The following MAGI1 variants were observed in gnomAD, a reference collection of about 807,000 sequenced individuals.
MAGI1 encodes membrane associated guanylate kinase, WW and PDZ domain containing 1.
In MAGI1, 58 loss-of-function variants were observed where a neutral mutation model predicts 139.9. The observed-to-expected ratio is 0.41, with a 90% confidence interval of 0.34 to 0.52. MAGI1 has a LOEUF of 0.52. Among genes scored for constraint, MAGI1 ranks in the 20% least tolerant of loss-of-function variants. MAGI1 has a pLI of 0.12. For synonymous variants in MAGI1, 812 were observed against 737.9 expected, an observed-to-expected ratio of 1.10 and a Z score of -1.63; for missense variants, 1,874 against 1,901.6, an observed-to-expected ratio of 0.99 and a Z score of 0.27.
chr3:65,569,540 G>A (rs1405396955), intron 2 of MAGI1, among the ~76,000 whole-genome samples: 1 of 142,786 alleles, frequency 7.0e-6, no homozygotes, highest in East Asian at 2.2e-4. Flanking sequence ...TAAGTTTAAA[G>A]TATATAAATC....
At chr3:65,824,766 T>C (rs140758989) in intron 1 of MAGI1, among the ~76,000 whole-genome samples, 32 of 152,366 alleles carry the variant, frequency 2.1e-4, no homozygotes, top group African/African-American at 7.5e-4. Flanking sequence ...CTACAAGTCA[T>C]GGCTATTTTC....
chr3:65,488,324 C>T (rs1951758299), intron 3 of MAGI1, among the ~76,000 whole-genome samples: 6 of 152,056 alleles, frequency 3.9e-5, no homozygotes, highest in Admixed American at 3.9e-4. Flanking sequence ...TCAAAACACT[C>T]ATAACTTTTT....
chr3:66,013,664 A>C (rs1356444470), intron 1 of MAGI1, among the ~76,000 whole-genome samples: 1 of 150,790 alleles, frequency 6.6e-6, no homozygotes, highest in Non-Finnish European at 1.5e-5. Context: ...GGGAGACTGA[A>C]GCAGGAGAAT....
At chr3:65,727,895 G>C (rs1455043647) in intron 1 of MAGI1, among the ~76,000 whole-genome samples, 1 of 152,168 alleles carries the variant, frequency 6.6e-6, no homozygotes, top group Non-Finnish European at 1.5e-5. Flanking sequence ...TTTTAAGGAT[G>C]ATATATCAAT....
intron 22 of MAGI1, chr3:65,360,103 C>T (rs1940661551): frequency 3.0e-6 from 3 of 985,230 alleles, no homozygotes; most frequent in Non-Finnish European, 2.4e-6. Flanking sequence ...AAATGTCGAA[C>T]ACCTGGGAAG....
At chr3:65,565,579 G>A (rs757172387) in intron 2 of MAGI1, among the ~76,000 whole-genome samples, 6 of 152,000 alleles carry the variant, frequency 3.9e-5, no homozygotes, top group South Asian at 2.1e-4. Flanking sequence ...GCTTATGGTC[G>A]GGCACGGTGA....
chr3:65,798,533 T>C lies in MAGI1; in HGVS notation c.314-176445A>G, dbSNP rs76813886. On this transcript the variant is annotated intron_variant, in intron 1 of 22. Coordinates refer to ENST00000402939, the MANE Select transcript of MAGI1 (RefSeq NM_001033057.2). ...GGTGTAGGGGTGCTGCCCTTTACCATGGCTCTTGCCTCTTTACCATGGCTT... is the reference window on the plus strand; with the variant it reads ...GGTGTAGGGGTGCTGCCCTTTACCACGGCTCTTGCCTCTTTACCATGGCTT... 7.9e-3 allele frequency among the ~76,000 whole-genome samples: 1,208 copies of C among 152,282 alleles called. 11 individuals carry two copies. Among genetic ancestry groups the C allele is most frequent in the African/African-American group, 0.027 (1,134 of 41,548 alleles).
intron 1 of MAGI1, among the ~76,000 whole-genome samples, chr3:65,651,932 T>C (rs1161187408): frequency 6.6e-6 from 1 of 152,194 alleles, no homozygotes; most frequent in Non-Finnish European, 1.5e-5. Flanking sequence ...TATTTATATG[T>C]AAACATCTAA....
At chr3:65,482,554 G>C (rs559128195) in intron 3 of MAGI1, among the ~76,000 whole-genome samples, 5 of 152,254 alleles carry the variant, frequency 3.3e-5, no homozygotes, top group African/African-American at 1.2e-4. Context: ...AACCTCATAG[G>C]ATTATTGTGA....
At chr3:65,593,136 G>T (rs2106761918) in intron 2 of MAGI1, among the ~76,000 whole-genome samples, 1 of 151,308 alleles carries the variant, frequency 6.6e-6, no homozygotes, top group Non-Finnish European at 1.5e-5. Flanking sequence ...GGAGTGTTAA[G>T]CCTCATAAAA....
chr3:65,656,957 G>A (rs1576621342), intron 1 of MAGI1, among the ~76,000 whole-genome samples: 2 of 133,324 alleles, frequency 1.5e-5, no homozygotes, highest in Non-Finnish European at 3.1e-5. Context: ...TCCAGCCTGG[G>A]TGACACAGGA....
chr3:65,951,052 G>A (rs73122195), intron 1 of MAGI1, among the ~76,000 whole-genome samples: 39,372 of 135,818 alleles, frequency 0.29, 8,156 homozygotes, highest in Non-Finnish European at 0.4. Flanking sequence ...AGGGAGGGAG[G>A]GAGGAAGGTG....
intron 5 of MAGI1, among the ~76,000 whole-genome samples, chr3:65,454,167 A>C (rs988618989): frequency 6.6e-6 from 1 of 152,204 alleles, no homozygotes; most frequent in Admixed American, 6.5e-5. Flanking sequence ...TTGAGCCCCC[A>C]GGGCACCATG....
intron 1 of MAGI1, among the ~76,000 whole-genome samples, chr3:65,751,220 T>C (rs2036122150): frequency 6.6e-6 from 1 of 152,202 alleles, no homozygotes; most frequent in South Asian, 2.1e-4. Flanking sequence ...GCCCTTACTC[T>C]AGCTCAGAGA....
At chr3:65,979,088 T>TCCCCCTCCCCCCCCC (rs2065420254) in intron 1 of MAGI1, among the ~76,000 whole-genome samples, 1 of 52,970 alleles carries the variant, frequency 1.9e-5, no homozygotes, top group African/African-American at 7.0e-5. Flanking sequence ...TTTCTTTTCT[T>TCCCCCTCCCCCCCCC]CCCCCCCCCC....
intron 1 of MAGI1, among the ~76,000 whole-genome samples, chr3:65,912,136 C>T (rs536515223): frequency 6.6e-6 from 1 of 151,800 alleles, no homozygotes; most frequent in Admixed American, 6.6e-5. Context: ...TGAAACTCTG[C>T]CCACTGACAT....
intron 1 of MAGI1, among the ~76,000 whole-genome samples, chr3:66,009,897 G>A (rs2067232038): frequency 6.6e-6 from 1 of 151,686 alleles, no homozygotes; most frequent in Admixed American, 6.6e-5. Flanking sequence ...TTAACATGGT[G>A]AAACCCTGTC....
chr3:65,963,805 T>C (rs7644139), intron 1 of MAGI1, among the ~76,000 whole-genome samples: 1,730 of 152,306 alleles, frequency 0.011, 24 homozygotes, highest in African/African-American at 0.039. Flanking sequence ...GAGCTTTGCT[T>C]GTTGTATACA....
rs151296774 is a variant in MAGI1, at chr3:65,970,999, T to C, written c.313+66997A>G. ...GTGGGCGGATCACGGGTACAAGAGA[T>C]TGAGACCATCATGGCCAACATGGTG... is the stretch of plus-strand genomic sequence containing the variant. On this transcript the variant is annotated intron_variant, in intron 1 of 22. Coordinates refer to ENST00000402939, the MANE Select transcript of MAGI1 (RefSeq NM_001033057.2). 3.4e-3 allele frequency among the ~76,000 whole-genome samples: 521 copies of C among 152,242 alleles called. 1 individual carries two copies. Among genetic ancestry groups the C allele is most frequent in the African/African-American group, 0.012 (494 of 41,542 alleles).
Sources: allele counts gnomAD v4.1 joint callset (sites outside exome capture counted in the v4.1 genomes callset), GRCh38; gene constraint gnomAD v4.1.1; transcripts MANE v1.5; gene names NCBI Gene and HGNC (gene_info 2026-07-23, HGNC 2026-07-21).